The following TENM2 variants were observed in gnomAD, a reference collection of about 807,000 sequenced individuals.
TENM2 encodes teneurin transmembrane protein 2, also known as teneurin-2.
In TENM2, 52 loss-of-function variants were observed where a neutral mutation model predicts 245.2. The ratio of observed to expected loss-of-function variants is 0.21; its 90% CI spans 0.17 to 0.27. The LOEUF is 0.27. TENM2 is among the 10% of genes least tolerant of loss of function. TENM2 has a pLI of 1.00. For missense variants in TENM2, 3,046 were observed against 3,666.8 expected, an observed-to-expected ratio of 0.83 and a Z score of 4.37; for synonymous variants, 1,363 against 1,438.9, an observed-to-expected ratio of 0.95 and a Z score of 1.19.
chr5:167,261,442 C>G, the TENM2 span, among the ~76,000 whole-genome samples: 1 of 152,260 alleles, frequency 6.6e-6, no homozygotes, highest in East Asian at 1.9e-4. Context: ...AACACAGATT[C>G]TGACGCAAAG....
intron 2 of TENM2, among the ~76,000 whole-genome samples, chr5:167,624,830 T>A (rs1039631475): frequency 1.3e-5 from 2 of 152,182 alleles, no homozygotes; most frequent in Non-Finnish European, 1.5e-5. Context: ...TGACAAAATA[T>A]AATCTATAAT....
intron 3 of TENM2, among the ~76,000 whole-genome samples, chr5:167,908,582 C>T (rs1776297822): frequency 1.7e-5 from 1 of 59,804 alleles, no homozygotes; most frequent in Non-Finnish European, 3.4e-5. Context: ...CTCCCCTCTC[C>T]TCCCTTCCCC....
Position 168,079,339 on chromosome 5 carries a change from A to G in TENM2, c.1516-11235A>G, listed in dbSNP as rs547362781. 9.2e-5 allele frequency among the ~76,000 whole-genome samples: 14 copies of G among 152,202 alleles called. No homozygotes were observed. In the East Asian group the frequency reaches 1.5e-3, roughly 17 times the overall value. ...CTTAAGGAGATTTTGGGCTGAGACAATGGGGTTTTCTAAATATACAATCAT... is the reference window on the plus strand; with the variant it reads ...CTTAAGGAGATTTTGGGCTGAGACAGTGGGGTTTTCTAAATATACAATCAT... On this transcript the variant is annotated intron_variant, in intron 7 of 28. Transcript: ENST00000518659.
chr5:167,068,734 A>C, the TENM2 span, among the ~76,000 whole-genome samples: 1 of 152,222 alleles, frequency 6.6e-6, no homozygotes, highest in Admixed American at 6.5e-5. Context: ...TTTCTCAAAT[A>C]AATGAGTGAA....
At chr5:167,535,191 G>A (rs1485550119) in intron 2 of TENM2, among the ~76,000 whole-genome samples, 1 of 151,808 alleles carries the variant, frequency 6.6e-6, no homozygotes, top group Non-Finnish European at 1.5e-5. Context: ...TTGGGGTTGG[G>A]GGGTATCTGC....
At chr5:167,394,986 C>T (rs1761972646) in intron 2 of TENM2, among the ~76,000 whole-genome samples, 2 of 152,080 alleles carry the variant, frequency 1.3e-5, no homozygotes, top group Admixed American at 1.3e-4. Flanking sequence ...GATTATGGTT[C>T]TACGTGGATT....
At chr5:167,484,661 A>G (rs1317536732) in intron 2 of TENM2, among the ~76,000 whole-genome samples, 1 of 152,172 alleles carries the variant, frequency 6.6e-6, no homozygotes, top group African/African-American at 2.4e-5. Flanking sequence ...TCTTACAACA[A>G]TGAACTACAT....
chr5:167,242,104 C>T, the TENM2 span, among the ~76,000 whole-genome samples: 1 of 146,254 alleles, frequency 6.8e-6, no homozygotes, highest in African/African-American at 2.6e-5. Flanking sequence ...GAGTGCAGTG[C>T]AGTGGCATGA....
the TENM2 span, among the ~76,000 whole-genome samples, chr5:167,254,115 A>G: frequency 6.6e-6 from 1 of 152,084 alleles, no homozygotes; most frequent in Non-Finnish European, 1.5e-5. Flanking sequence ...AAGGATTAAC[A>G]AGAGAACCCT....
intron 3 of TENM2, among the ~76,000 whole-genome samples, chr5:167,895,030 G>T (rs1024853075): frequency 6.6e-6 from 1 of 150,406 alleles, no homozygotes; most frequent in Admixed American, 6.6e-5. Context: ...AGGGAGGGAG[G>T]CAGGGAGGAC....
the TENM2 span, among the ~76,000 whole-genome samples, chr5:166,984,153 G>T: frequency 6.6e-6 from 1 of 152,040 alleles, no homozygotes; most frequent in South Asian, 2.1e-4. Flanking sequence ...ATATAAAAGG[G>T]AGTTATGTAC....
chr5:167,660,924 G>A (rs1474271008), intron 2 of TENM2, among the ~76,000 whole-genome samples: 1 of 152,096 alleles, frequency 6.6e-6, no homozygotes, highest in African/African-American at 2.4e-5. Context: ...CTTTTTAAGA[G>A]CATATTTTTA....
At chr5:168,176,971 G>A (rs1198598877) in intron 13 of TENM2, among the ~76,000 whole-genome samples, 1 of 152,238 alleles carries the variant, frequency 6.6e-6, no homozygotes, top group Non-Finnish European at 1.5e-5. Context: ...CTCTTCATCT[G>A]TATTATTGAC....
chr5:167,575,455 A>G (rs1391543508), intron 2 of TENM2, among the ~76,000 whole-genome samples: 1 of 152,074 alleles, frequency 6.6e-6, no homozygotes, highest in Non-Finnish European at 1.5e-5. Context: ...TTTTCTTCCC[A>G]AGTTTCCAAA....
chr5:167,099,702 A>C, the TENM2 span, among the ~76,000 whole-genome samples: 1 of 152,194 alleles, frequency 6.6e-6, no homozygotes, highest in Non-Finnish European at 1.5e-5. Flanking sequence ...TCTCAAAACA[A>C]AACAAAACAA....
intron 2 of TENM2, among the ~76,000 whole-genome samples, chr5:167,861,094 T>C (rs181309709): frequency 1.1e-4 from 16 of 151,902 alleles, no homozygotes; most frequent in African/African-American, 3.6e-4. Context: ...ATAAATCCTT[T>C]CTCATTTTCA....
the TENM2 span, among the ~76,000 whole-genome samples, chr5:167,258,215 G>GTATATATATATGTGTGTGTATATA: frequency 4.9e-5 from 6 of 122,888 alleles, no homozygotes; most frequent in African/African-American, 1.9e-4. Context: ...ATATATATAT[G>GTATATATATATGTGTGTGTATATA]TATATATATA....
At chr5:167,395,012 C>G (rs1303506437) in intron 2 of TENM2, among the ~76,000 whole-genome samples, 2 of 152,124 alleles carry the variant, frequency 1.3e-5, no homozygotes, top group Non-Finnish European at 2.9e-5. Flanking sequence ...ATTATTTGTT[C>G]TATTTCTTTA....
chr5:167,458,494 C>CAAAAAAAAAAAAAAAAA (rs70976430), intron 2 of TENM2, among the ~76,000 whole-genome samples: 1 of 82,012 alleles, frequency 1.2e-5, no homozygotes. Flanking sequence ...CTCAAAAAAA[C>CAAAAAAAAAAAAAAAAA]AAAAAAAAAA....
Sources: allele counts gnomAD v4.1 joint callset (sites outside exome capture counted in the v4.1 genomes callset), GRCh38; gene constraint gnomAD v4.1.1; transcripts MANE v1.5; gene names NCBI Gene and HGNC (gene_info 2026-07-23, HGNC 2026-07-21).